Variants in TUBD1 observed in about 807,000 individuals in gnomAD.
The protein encoded by TUBD1 is tubulin delta chain.
A neutral mutation model predicts 51.2 loss-of-function variants in TUBD1; 38 were observed. The observed-to-expected ratio is 0.74, with a 90% CI of 0.57 to 0.97. The LOEUF (loss-of-function observed/expected upper bound fraction) is 0.97. Ranked by LOEUF, TUBD1 falls within the 50% of genes least tolerant of loss-of-function variation. The pLI is 0.00. For missense variants in TUBD1, 489 were observed against 538.4 expected (o/e 0.91, Z 0.91); for synonymous variants, 169 against 178.2 (o/e 0.95, Z 0.41).
At chr17:59,862,412 G>A (rs1044973484) in intron 8 of TUBD1, among the ~76,000 whole-genome samples, 1 of 152,066 alleles carries the variant, frequency 6.6e-6, no homozygotes, top group Non-Finnish European at 1.5e-5. Context: ...TAGAGATCAA[G>A]AAATCTGCTA....
At position 59,886,153 on chromosome 17, in the gene TUBD1, C is replaced by G; in HGVS notation, c.250G>C (p.Gly84Arg). ...GCATGTTGACCATATTTCCATTGGC[C>G]AGACTGGGCAGCCTTTGACAGCATT... Reference protein sequence around the residue: ...NQMLSKAAQSGQWKYGQHACF... With the variant: ...NQMLSKAAQSRQWKYGQHACF... Residue 84 changes from glycine (G) to arginine (R), a missense_variant, in exon 3 of 9, where the codon GGC (glycine) becomes CGC (arginine). Gly to Arg is a moderately radical substitution (Grantham distance 125, BLOSUM62 -2). Transcript: ENST00000325752. The G allele has an allele frequency of 3.1e-6, 5 of 1,613,772 alleles. No homozygotes were observed. Among genetic ancestry groups the G allele is most frequent in the Non-Finnish European group, 3.4e-6 (4 of 1,179,884 alleles).
intron 6 of TUBD1, among the ~76,000 whole-genome samples, chr17:59,872,977 GGTCTCGA>G (rs2040063474): frequency 6.6e-6 from 1 of 151,866 alleles, no homozygotes; most frequent in Admixed American, 6.6e-5. Flanking sequence ...TGCCCAGGCT[GGTCTCGA>G]ACTCCTGACC....
At chr17:59,882,932 A>T in intron 3 of TUBD1, among the ~76,000 whole-genome samples, 1 of 110,978 alleles carries the variant, frequency 9.0e-6, no homozygotes, top group Non-Finnish European at 2.1e-5. Context: ...CCACAGGCAC[A>T]GGCCGCCACG....
intron 4 of TUBD1, 113 bp from the exon 5 acceptor site, chr17:59,878,447 G>A (rs964522330): frequency 5.3e-5 from 37 of 692,252 alleles, no homozygotes; most frequent in Admixed American, 5.6e-5. Context: ...CTTTCTAGCC[G>A]TATGACCTTG....
At chr17:59,875,129 A>T (rs8070524) in intron 5 of TUBD1, among the ~76,000 whole-genome samples, 15,958 of 125,180 alleles carry the variant, frequency 0.13, 1,030 homozygotes, top group Middle Eastern at 0.31. Context: ...AGGCTGGAGG[A>T]GTGCAGTGGC....
intron 4 of TUBD1, among the ~76,000 whole-genome samples, chr17:59,879,818 A>T (rs1467731078): frequency 6.6e-6 from 1 of 150,426 alleles, no homozygotes; most frequent in Non-Finnish European, 1.5e-5. Flanking sequence ...TAGTGGCTTG[A>T]TCTCGGCTCA....
chr17:59,888,080 A>G (rs1248746432), intron 2 of TUBD1, among the ~76,000 whole-genome samples: 1 of 151,848 alleles, frequency 6.6e-6, no homozygotes, highest in Non-Finnish European at 1.5e-5. Context: ...GACTACAGGC[A>G]CCCGCCACCA....
rs779225934 is a variant in TUBD1 at position 59,878,206 on chromosome 17, G to A, written c.666C>T (p.Ile222=). 5.0e-6 allele frequency: 8 copies of A among 1,614,112 alleles called. No homozygotes were observed. Among genetic ancestry groups the A allele is most frequent in the Middle Eastern group, 1.6e-4 (1 of 6,062 alleles). Residue 222 remains isoleucine, a synonymous_variant, in exon 5 of 9, where the codon ATC becomes ATT. Coordinates refer to ENST00000325752, the MANE Select transcript of TUBD1 (RefSeq NM_016261.4). ...ICAKLMNIKQ[I]SFSDINQVLA... ...GGACTTGATTGATATCACTAAAGGAGATCTGCTTGATATTCATCAGTTTTG... is the reference window on the plus strand; with the variant it reads ...GGACTTGATTGATATCACTAAAGGAAATCTGCTTGATATTCATCAGTTTTG...
chr17:59,873,214 C>A (rs1245808097), intron 6 of TUBD1, among the ~76,000 whole-genome samples: 1 of 151,116 alleles, frequency 6.6e-6, no homozygotes, highest in Non-Finnish European at 1.5e-5. Context: ...TTTTCCTTGT[C>A]ATAAATTCAT....
intron 7 of TUBD1, among the ~76,000 whole-genome samples, chr17:59,865,557 G>A (rs1304389012): frequency 6.6e-6 from 1 of 152,162 alleles, no homozygotes; most frequent in Non-Finnish European, 1.5e-5. Flanking sequence ...TCCAGCCTGG[G>A]TGACAGAGTG....
At chr17:59,865,786 A>G (rs1187149621) in intron 7 of TUBD1, among the ~76,000 whole-genome samples, 1 of 152,002 alleles carries the variant, frequency 6.6e-6, no homozygotes, top group Non-Finnish European at 1.5e-5. Flanking sequence ...ATGGGACAGA[A>G]ATTCAAGTGT....
intron 6 of TUBD1, among the ~76,000 whole-genome samples, chr17:59,868,733 A>G (rs2039835929): frequency 6.6e-6 from 1 of 151,954 alleles, no homozygotes; most frequent in African/African-American, 2.4e-5. Flanking sequence ...GCTACTCAGG[A>G]GGCTGAGGCA....
At chr17:59,891,278 G>A (rs1376142567) in intron 1 of TUBD1, among the ~76,000 whole-genome samples, 1 of 151,892 alleles carries the variant, frequency 6.6e-6, no homozygotes, top group African/African-American at 2.4e-5. Flanking sequence ...TTACAGGCAC[G>A]TGCCACCACG....
intron 4 of TUBD1, among the ~76,000 whole-genome samples, chr17:59,879,937 G>A (rs2040406271): frequency 6.6e-6 from 1 of 151,942 alleles, no homozygotes; most frequent in South Asian, 2.1e-4. Flanking sequence ...ATTTCTAGCA[G>A]AGATGGTGTT....
chr17:59,888,176 T>C (rs2040821356), intron 2 of TUBD1, among the ~76,000 whole-genome samples: 3 of 151,960 alleles, frequency 2.0e-5, no homozygotes, highest in South Asian at 4.1e-4. Context: ...ACCTCATGAT[T>C]CGCCCGCCTC....
chr17:59,872,810 A>G (rs966333700), intron 6 of TUBD1, among the ~76,000 whole-genome samples: 1 of 150,986 alleles, frequency 6.6e-6, no homozygotes, highest in Non-Finnish European at 1.5e-5. Flanking sequence ...GTTATCACCC[A>G]GGCTGGAATG....
intron 5 of TUBD1, among the ~76,000 whole-genome samples, chr17:59,876,489 G>C (rs979178803): frequency 6.6e-6 from 1 of 151,726 alleles, no homozygotes; most frequent in African/African-American, 2.4e-5. Flanking sequence ...CAAGTAGCTG[G>C]GATTACAGGC....
chr17:59,878,162 C>T lies in TUBD1; in HGVS notation c.710G>A (p.Ser237Asn). Reference sequence around the variant, plus strand: ...TGCAGAATAAGTAGGCTGGAACACACTTCCCAGCTGATGTGCGAGGACTTG... The same window carrying T: ...TGCAGAATAAGTAGGCTGGAACACATTTCCCAGCTGATGTGCGAGGACTTG... Reference protein sequence around the residue: ...INQVLAHQLGSVFQPTYSAES... With the variant: ...INQVLAHQLGNVFQPTYSAES... The change falls in exon 5 of 9, where the codon AGT becomes AAT. Residue 237 changes from serine to asparagine, a missense_variant. Transcript: ENST00000325752. The T allele has an allele frequency of 6.2e-7, 1 of 1,614,184 alleles. No homozygotes were observed. Among genetic ancestry groups the T allele is most frequent in the Non-Finnish European group, 8.5e-7 (1 of 1,180,036 alleles).
intron 5 of TUBD1, among the ~76,000 whole-genome samples, chr17:59,875,073 C>CTTTTTTTTTTTTTTTTT (rs10679203): frequency 1.1e-5 from 1 of 87,270 alleles, no homozygotes; most frequent in Non-Finnish European, 2.2e-5. Context: ...TTGTTATATT[C>CTTTTTTTTTTTTTTTTT]TTTTTTTTTT....
Sources: allele counts gnomAD v4.1 joint callset (sites outside exome capture counted in the v4.1 genomes callset), GRCh38; gene constraint gnomAD v4.1.1; transcripts MANE v1.5; gene names NCBI Gene and HGNC (gene_info 2026-07-23, HGNC 2026-07-21).